CFAP99: variants seen among roughly 807,000 people sequenced by gnomAD.
The protein encoded by CFAP99 is cilia- and flagella-associated protein 99.
Under a neutral mutation model 82.7 loss-of-function variants are expected in CFAP99, and 84 were observed. The ratio of observed to expected loss-of-function variants is 1.02; its 90% confidence interval spans 0.85 to 1.22. CFAP99 has a LOEUF of 1.22. Among genes scored for constraint, CFAP99 ranks in the 50% most tolerant of loss-of-function variants. CFAP99 has a pLI of 0.00. For synonymous variants in CFAP99, 456 were observed against 429.5 expected (o/e 1.06, Z -0.76); for missense variants, 1,059 against 983.5 (o/e 1.08, Z -1.03).
rs1275580867 is a variant in CFAP99, at chr4:2,448,708, G to C, written c.643-962G>C. On this transcript the variant is annotated intron_variant, in intron 6 of 14. Coordinates refer to ENST00000635017, the Ensembl canonical transcript of CFAP99. The surrounding 1 kb of genome is among the most constrained non-coding windows in gnomAD (Gnocchi z 5.2). ...GCCCACCCTCCCTCAAGTGTTTGAGGGTGGCCAGGAGGGGCTGGAGTGGAG... is the reference window on the plus strand; with the variant it reads ...GCCCACCCTCCCTCAAGTGTTTGAGCGTGGCCAGGAGGGGCTGGAGTGGAG... Among the ~76,000 whole-genome samples, 1 of 152,238 alleles carries C rather than the reference G, an allele frequency of 6.6e-6. No homozygotes were observed. The highest frequency in any genetic ancestry group is 1.5e-5 in the Non-Finnish European group (1 of 68,036).
chr4:2,423,593 G>A (rs986841301), intron 1 of CFAP99, among the ~76,000 whole-genome samples: 10 of 152,194 alleles, frequency 6.6e-5, no homozygotes, highest in African/African-American at 2.2e-4. Flanking sequence ...AAGGTTTCCC[G>A]CAGGATGGGC....
At chr4:2,424,561 G>A (rs963215676) in intron 1 of CFAP99, among the ~76,000 whole-genome samples, 7 of 152,166 alleles carry the variant, frequency 4.6e-5, no homozygotes, top group Non-Finnish European at 8.8e-5. Flanking sequence ...CAGGTCCAGC[G>A]TCACAGCCTC....
intron 8 of CFAP99, among the ~76,000 whole-genome samples, 180 bp from the exon 9 acceptor site, chr4:2,450,767 G>A (rs965464490): frequency 2.6e-5 from 4 of 152,316 alleles, no homozygotes; most frequent in South Asian, 2.1e-4. Context: ...AAGGCTTGGG[G>A]GGCATTGGAA....
rs1176832866 is a variant in CFAP99 at position 2,462,860 on chromosome 4, C to T, written c.2079C>T (p.Arg693=). 2.2e-6 allele frequency: 3 copies of T among 1,391,762 alleles called. No individual in the cohort carries two copies. Among genetic ancestry groups the T allele is most frequent in the East Asian group, 3.2e-5 (1 of 31,452 alleles). 86.2% of individuals were successfully genotyped at this position (1,391,762 alleles called of 1,614,324 possible). ...TGGAGCTGGAGCGGAGCCGCGAGCG[C>T]AGGCTGCAGGCGCTGCAGCAGGGAG... The change falls in exon 15 of 15, where the codon CGC becomes CGT. Residue 693 remains arginine (R), a synonymous_variant. Coordinates refer to ENST00000635017, the Ensembl canonical transcript of CFAP99. The surrounding 1 kb of genome is among the most constrained non-coding windows in gnomAD (Gnocchi z 4.1).
intron 11 of CFAP99, among the ~76,000 whole-genome samples, chr4:2,455,348 G>T (rs1294322324): frequency 6.6e-6 from 1 of 152,182 alleles, no homozygotes; most frequent in Non-Finnish European, 1.5e-5. Flanking sequence ...AAATTTAACA[G>T]TCTTTTCTTG....
chr4:2,432,941 G>A (rs911849023), intron 2 of CFAP99, among the ~76,000 whole-genome samples: 8 of 152,322 alleles, frequency 5.3e-5, no homozygotes, highest in Non-Finnish European at 8.8e-5. Context: ...AGAAGGACCT[G>A]GTCCAGCACC....
intron 11 of CFAP99, among the ~76,000 whole-genome samples, 154 bp from the exon 12 acceptor site, chr4:2,458,569 A>G (rs1734489677): frequency 6.6e-6 from 1 of 152,238 alleles, no homozygotes; most frequent in Non-Finnish European, 1.5e-5. Context: ...GAGCACCGCC[A>G]GGAGTGAATG....
At chr4:2,462,970 A>C (rs1333117439), downstream of CFAP99, 43 of 1,085,054 alleles carry the variant, frequency 4.0e-5, no homozygotes, top group African/African-American at 5.3e-4. The surrounding 1 kb of genome is among the most constrained non-coding windows in gnomAD (Gnocchi z 4.1). Context: ...CACCCCCTAC[A>C]CCCGCCGCCC....
chr4:2,437,155 C>A, intron 3 of CFAP99, 137 bp downstream of exon 3: 3 of 1,041,304 alleles, frequency 2.9e-6, no homozygotes, highest in Non-Finnish European at 2.7e-6. Context: ...GGCTTCCCGG[C>A]TCCTCACCTC....
intron 13 of CFAP99, among the ~76,000 whole-genome samples, 168 bp downstream of exon 13, chr4:2,459,426 T>G (rs993818057): frequency 2.0e-5 from 3 of 152,170 alleles, no homozygotes; most frequent in Non-Finnish European, 2.9e-5. Flanking sequence ...CGGGCCTGGG[T>G]CTGGCCCTAA....
chr4:2,426,382 A>C, intron 1 of CFAP99, 77 bp from the exon 2 acceptor site: 1 of 887,196 alleles, frequency 1.1e-6, no homozygotes, highest in Non-Finnish European at 1.8e-6. Flanking sequence ...ACCCTGGCAG[A>C]CTCCTGTCGC....
exon 14 of CFAP99, chr4:2,460,147 C>T: frequency 1.3e-6 from 2 of 1,536,122 alleles, no homozygotes; most frequent in Non-Finnish European, 1.7e-6. Flanking sequence ...GGGATCAAAT[C>T]ATTCAGGGCA....
intron 5 of CFAP99, 98 bp from the exon 6 acceptor site, chr4:2,445,033 C>G: frequency 1.1e-6 from 1 of 903,344 alleles, no homozygotes; most frequent in Non-Finnish European, 1.5e-6. Flanking sequence ...CCAAGGTGGA[C>G]CCAATCGCTG....
exon 14 of CFAP99, chr4:2,460,126 G>A: frequency 1.3e-6 from 2 of 1,536,138 alleles, no homozygotes; most frequent in Non-Finnish European, 1.7e-6. Context: ...GGCGCAAGGA[G>A]GAAGAAAAGC....
intron 2 of CFAP99, among the ~76,000 whole-genome samples, chr4:2,430,124 C>T (rs985957739): frequency 6.8e-6 from 1 of 146,714 alleles, no homozygotes. Context: ...TTACGCAATA[C>T]ATAAACCAAA....
intron 4 of CFAP99, among the ~76,000 whole-genome samples, chr4:2,441,966 G>GC (rs1291669564): frequency 6.6e-6 from 1 of 152,200 alleles, no homozygotes; most frequent in Non-Finnish European, 1.5e-5. Flanking sequence ...GGGGCTGATG[G>GC]CCCCACAGCT....
At chr4:2,460,475 T>C (rs1275126295) in intron 14 of CFAP99, among the ~76,000 whole-genome samples, 6 of 152,220 alleles carry the variant, frequency 3.9e-5, no homozygotes, top group Admixed American at 2.0e-4. Context: ...GATGCAGTCA[T>C]TTTTGCACCC....
At chr4:2,459,310 A>C (rs1578484448) in intron 13 of CFAP99, 52 bp downstream of exon 13, 3 of 1,473,732 alleles carry the variant, frequency 2.0e-6, no homozygotes, top group Non-Finnish European at 1.8e-6. Context: ...CCACGCTGGC[A>C]CTGCCATGAG....
At position 2,462,557 on chromosome 4, in the gene CFAP99, G is replaced by A. The variant is rs1053422600; in HGVS notation, c.1776G>A (p.Ala592=). 13 of 1,459,898 alleles carry A rather than the reference G, an allele frequency of 8.9e-6. No individual in the cohort carries two copies. Among genetic ancestry groups the A allele is most frequent in the African/African-American group, 7.4e-5 (5 of 67,730 alleles). 90.4% of individuals were successfully genotyped at this position (1,459,898 alleles called of 1,614,324 possible). Residue 592 remains alanine, a synonymous_variant, in exon 15 of 15, where the codon GCG becomes GCA. Transcript: ENST00000635017. The surrounding 1 kb of genome is among the most constrained non-coding windows in gnomAD (Gnocchi z 4.1). ...GGGCGGCCGAGCGCAGCAGGCAGGCGGCCTTGCTGCACGTGTCGGCGCCGC... is the reference window on the plus strand; with the variant it reads ...GGGCGGCCGAGCGCAGCAGGCAGGCAGCCTTGCTGCACGTGTCGGCGCCGC...
Sources: allele counts gnomAD v4.1 joint callset (sites outside exome capture counted in the v4.1 genomes callset), GRCh38; gene constraint gnomAD v4.1.1; non-coding constraint Gnocchi (gnomAD v3.1); transcripts MANE v1.5; gene names NCBI Gene and HGNC (gene_info 2026-07-23, HGNC 2026-07-21).